Variants in LRRC7 observed in about 807,000 individuals in gnomAD.
The protein encoded by LRRC7 is leucine-rich repeat-containing protein 7.
A neutral mutation model predicts 175.7 loss-of-function variants in LRRC7; 23 were observed. That is an observed-to-expected ratio of 0.13 (90% confidence interval 0.09 to 0.19). The LOEUF is 0.19. Among genes scored for constraint, LRRC7 ranks in the 10% least tolerant of loss-of-function variants. The pLI is 1.00. For missense variants in LRRC7, 1,354 were observed against 1,904.7 expected (o/e 0.71, Z 5.38); for synonymous variants, 685 against 680.9 (o/e 1.01, Z -0.09).
rs1646057272 is a variant in LRRC7, at chr1:69,578,603, TATGCGGCC to T, written c.2+9965_2+9972del. 4.0e-5 allele frequency among the ~76,000 whole-genome samples: 6 copies of T among 151,674 alleles called. 1 individual carries two copies. In the South Asian group the frequency reaches 1.3e-3, roughly 32 times the overall value. On this transcript the variant is annotated intron_variant, in intron 1 of 26. Coordinates refer to ENST00000651989, the MANE Select transcript of LRRC7 (RefSeq NM_001370785.2). ...GTGGCACATATACACCATGGAATAC[TATGCGGCC>T]ATAAAAAATAATGAGTTCATGTCCT...
intron 3 of LRRC7, among the ~76,000 whole-genome samples, chr1:69,778,331 A>T (rs1673050315): frequency 6.6e-6 from 1 of 152,156 alleles, no homozygotes; most frequent in Admixed American, 6.5e-5. Context: ...AAAGACACTA[A>T]TGTGTGTCTG....
At chr1:69,938,354 C>T (rs1030465124) in intron 8 of LRRC7, among the ~76,000 whole-genome samples, 1 of 151,980 alleles carries the variant, frequency 6.6e-6, no homozygotes, top group African/African-American at 2.4e-5. Flanking sequence ...TACAAATCAC[C>T]ATTTTAAATG....
At chr1:69,968,087 A>G (rs1374231441) in intron 8 of LRRC7, among the ~76,000 whole-genome samples, 2 of 152,136 alleles carry the variant, frequency 1.3e-5, no homozygotes, top group Admixed American at 1.3e-4. Context: ...ATATTCAATG[A>G]AATAGATAGC....
chr1:69,783,855 G>T (rs956547938), intron 3 of LRRC7, among the ~76,000 whole-genome samples: 2 of 150,232 alleles, frequency 1.3e-5, no homozygotes, highest in Non-Finnish European at 3.0e-5. Flanking sequence ...ATAAATTTCA[G>T]ATAGGTCCAA....
intron 4 of LRRC7, among the ~76,000 whole-genome samples, chr1:69,824,139 C>T (rs759330544): frequency 3.9e-5 from 6 of 152,050 alleles, no homozygotes; most frequent in Non-Finnish European, 7.4e-5. Flanking sequence ...CTGATTTACA[C>T]GTAATTCAAG....
chr1:70,039,259 G>T lies in LRRC7; in HGVS notation c.3435G>T (p.Gly1145=), dbSNP rs773666243. The T allele has an allele frequency of 6.2e-7, 1 of 1,614,046 alleles. No individual in the cohort carries two copies. The highest frequency in any genetic ancestry group is 8.5e-7 in the Non-Finnish European group (1 of 1,179,996). ...TGAATGCCCAGTTCGCAAGCCAAGG[G>T]GCCAGGGCGGGCTTCCTGAGAAGGG... ...AVVNAQFASQ[G]ARAGFLRRAD... is the part of the protein sequence containing the mutation. The change falls in exon 21 of 27, where the codon GGG becomes GGT. Residue 1145 remains glycine, a synonymous_variant. Coordinates refer to ENST00000651989, the MANE Select transcript of LRRC7 (RefSeq NM_001370785.2).
intron 1 of LRRC7, among the ~76,000 whole-genome samples, chr1:69,677,578 T>C (rs919526616): frequency 9.2e-5 from 14 of 152,062 alleles, no homozygotes; most frequent in African/African-American, 3.4e-4. Flanking sequence ...CAACATCTAT[T>C]GTATTTTGAC....
At chr1:69,875,628 A>G (rs1375986152) in intron 7 of LRRC7, among the ~76,000 whole-genome samples, 2 of 152,060 alleles carry the variant, frequency 1.3e-5, no homozygotes, top group Non-Finnish European at 2.9e-5. Flanking sequence ...TTTTATTCTA[A>G]GAGGAATTAT....
At position 70,142,298 on chromosome 1, in the gene LRRC7, GT is replaced by G. The variant is rs1667092997; in HGVS notation, c.*20415del. 1 of 152,052 alleles carries G rather than the reference GT, an allele frequency of 6.6e-6. No individual in the cohort carries two copies. 9.4% of individuals were successfully genotyped at this position (152,052 alleles called of 1,614,324 possible). A position where few individuals can be genotyped will look rare whatever the true frequency, so the allele number is the denominator to read the frequency against. ...TGTAAGTTTTACTCTAGAAAATTTG[GT>G]TTTAGCTTTGATGACACCTAGCGTC... On this transcript the variant is annotated 3_prime_UTR_variant, in exon 27 of 27. Coordinates refer to ENST00000651989, the MANE Select transcript of LRRC7 (RefSeq NM_001370785.2).
intron 7 of LRRC7, chr1:69,873,850 T>C (rs897964494): frequency 1.9e-5 from 3 of 154,180 alleles, no homozygotes; most frequent in African/African-American, 7.2e-5. Context: ...TATTTTTATC[T>C]AATTGATTTC....
chr1:69,774,649 T>C (rs2100996982), intron 3 of LRRC7, among the ~76,000 whole-genome samples: 1 of 152,306 alleles, frequency 6.6e-6, no homozygotes, highest in Non-Finnish European at 1.5e-5. Flanking sequence ...ACTTTAAATA[T>C]ACATATTACA....
At chr1:69,882,821 A>C (rs1686771238) in intron 7 of LRRC7, among the ~76,000 whole-genome samples, 1 of 134,704 alleles carries the variant, frequency 7.4e-6, no homozygotes, top group South Asian at 2.4e-4. Context: ...TGTCCATGTG[A>C]TCTCATTGCT....
chr1:70,092,015 G>A (rs1264555944), intron 25 of LRRC7, among the ~76,000 whole-genome samples: 1 of 152,066 alleles, frequency 6.6e-6, no homozygotes, highest in Non-Finnish European at 1.5e-5. Flanking sequence ...TTGGTTAACT[G>A]TTCAGAGGAT....
chr1:69,906,181 G>A (rs897856701), intron 7 of LRRC7, among the ~76,000 whole-genome samples: 6 of 152,118 alleles, frequency 3.9e-5, no homozygotes, highest in African/African-American at 1.4e-4. Flanking sequence ...TGAGTAGGTT[G>A]CAAAATTTTT....
rs191327203 is a variant in LRRC7 at position 69,998,779 on chromosome 1, C to G, written c.1004+4146C>G. Among the ~76,000 whole-genome samples the G allele has an allele frequency of 1.2e-4, 19 of 152,294 alleles. No individual in the cohort carries two copies. The East Asian group carries it at 3.5e-3, about 28-fold the overall frequency. On this transcript the variant is annotated intron_variant, in intron 11 of 26. Coordinates refer to ENST00000651989, the MANE Select transcript of LRRC7 (RefSeq NM_001370785.2). ...AGCTTTTTCAGTAGGAAGTAGAACC[C>G]TGACTTTGGTCATCTTGAGAACTAG...
In LRRC7 at chr1:69,699,536, T is replaced by TA. The variant is rs555325821; in HGVS notation, c.100+21067dup. 2.8e-4 allele frequency among the ~76,000 whole-genome samples: 42 copies of TA among 151,198 alleles called. 2 individuals are homozygous for TA. The highest frequency in any genetic ancestry group is 8.4e-4 in the South Asian group (4 of 4,768). On this transcript the variant is annotated intron_variant, in intron 2 of 26. Transcript: ENST00000651989. ...CCTGGCGACAGAGCAAGACTCCATC[T>TA]AAAAAAAAAGAGAGAGAATCCCTTC...
intron 25 of LRRC7, among the ~76,000 whole-genome samples, chr1:70,097,311 T>C (rs2102187068): frequency 6.6e-6 from 1 of 152,334 alleles, no homozygotes; most frequent in Non-Finnish European, 1.5e-5. Context: ...ATTCTGACCA[T>C]ATAATGATGC....
At chr1:69,594,336 A>T (rs565710115) in intron 1 of LRRC7, among the ~76,000 whole-genome samples, 1 of 152,186 alleles carries the variant, frequency 6.6e-6, no homozygotes, top group African/African-American at 2.4e-5. Flanking sequence ...TTTTATATGT[A>T]CCATTAATTT....
intron 2 of LRRC7, among the ~76,000 whole-genome samples, chr1:69,733,379 G>T (rs551817075): frequency 6.6e-6 from 1 of 152,034 alleles, no homozygotes; most frequent in South Asian, 2.1e-4. Flanking sequence ...TTCACCCAGG[G>T]ACAGAGAAGA....
Sources: gnomAD v4.1 joint callset for allele counts (sites outside exome capture counted in the v4.1 genomes callset) on GRCh38, gnomAD v4.1.1 for gene constraint, MANE v1.5 for transcripts, NCBI Gene and HGNC (gene_info 2026-07-23, HGNC 2026-07-21) for gene names.